Variants in ANKZF1 observed in about 807,000 individuals in gnomAD.
The protein encoded by ANKZF1 is tRNA endonuclease ANKZF1.
A neutral mutation model predicts 86.0 loss-of-function variants in ANKZF1; 84 were observed. The ratio of observed to expected loss-of-function variants is 0.98; its 90% CI spans 0.82 to 1.17. ANKZF1 has a LOEUF of 1.17. Among genes scored for constraint, ANKZF1 ranks in the 50% most tolerant of loss-of-function variants. The pLI is 0.00. For missense variants in ANKZF1, 893 were observed against 918.4 expected (o/e 0.97, Z 0.36); for synonymous variants, 331 against 354.2 (o/e 0.93, Z 0.74).
At chr2:219,230,530 T>A in intron 2 of ANKZF1, 125 bp downstream of exon 2, 1 of 1,273,900 alleles carries the variant, frequency 7.8e-7, no homozygotes, top group Non-Finnish European at 1.1e-6. Flanking sequence ...TCTGCTTGAT[T>A]AAATTCACTT....
rs1433807174 is a variant in ANKZF1, at chr2:219,235,895, T to A, written c.1971+20T>A. ...GAGAAGGTGAGGCTGGAGGTTCTCT[T>A]GTCCATGGCAAGGCTTCCTAGAGGT... On this transcript the variant is annotated intron_variant, in intron 12 of 13. Transcript: ENST00000323348. The A allele has an allele frequency of 6.2e-7, 1 of 1,613,782 alleles. No individual in the cohort carries two copies. The highest frequency in any genetic ancestry group is 1.1e-5 in the South Asian group (1 of 91,076).
Position 219,235,311 on chromosome 2 carries a change from C to T in ANKZF1, c.1690C>T (p.Gln564Ter). Residue 564 changes from glutamine (Q) to a stop codon, truncating the protein, a stop_gained and splice_region_variant, in exon 10 of 14, where the codon CAG becomes TAG. Transcript: ENST00000323348. LOFTEE classifies it high-confidence loss of function. ...GGAAGCAGGTGCTGACCCCACTGTG[C>T]AGTGAGTAAAGGTCCCCATCCTGAG... Reference protein sequence around the residue: ...LLEAGADPTVQDSRARPPYTV... With the variant: ...LLEAGADPTV 1 of 1,609,212 alleles carries T rather than the reference C, an allele frequency of 6.2e-7. No individual in the cohort carries two copies.
At chr2:219,230,526 T>C in intron 2 of ANKZF1, 121 bp downstream of exon 2, 3 of 1,317,646 alleles carry the variant, frequency 2.3e-6, no homozygotes, top group Non-Finnish European at 3.1e-6. Flanking sequence ...TCTTTCTGCT[T>C]GATTAAATTC....
At chr2:219,233,229 T>A (rs1285988691) in intron 6 of ANKZF1, 38 bp downstream of exon 6, 1 of 1,614,086 alleles carries the variant, frequency 6.2e-7, no homozygotes, top group Non-Finnish European at 8.5e-7. Flanking sequence ...ATGGAGTGGA[T>A]CCTGTTAGCC....
At position 219,234,824 on chromosome 2, in the gene ANKZF1, AG is replaced by A; in HGVS notation, c.1205del. ...GATTTCACATGTCAGGTTTTTCCCT[AG>A]GTTCAGGGTCGGAGGGAGAAGATGG... On this transcript the variant is annotated splice_acceptor_variant, in intron 9 of 13. Coordinates refer to ENST00000323348, the MANE Select transcript of ANKZF1 (RefSeq NM_018089.3). LOFTEE classifies it high-confidence loss of function. The A allele has an allele frequency of 5.6e-6, 9 of 1,601,498 alleles. No homozygotes were observed. Among genetic ancestry groups the A allele is most frequent in the Non-Finnish European group, 1.7e-6 (2 of 1,172,930 alleles).
At chr2:219,233,257 C>G in intron 6 of ANKZF1, 29 bp from the exon 7 acceptor site, 2 of 1,614,158 alleles carry the variant, frequency 1.2e-6, no homozygotes, top group Non-Finnish European at 1.7e-6. Flanking sequence ...ACCAGCTGGT[C>G]TCCAGTACTG....
intron 1 of ANKZF1, 103 bp downstream of exon 1, chr2:219,230,003 C>CT (rs1950980578): frequency 2.4e-6 from 1 of 417,442 alleles, no homozygotes; most frequent in African/African-American, 2.1e-5. Flanking sequence ...ATTTTTAACT[C>CT]TGTTGGACTC....
rs1011173781 is a variant in ANKZF1 at position 219,230,606 on chromosome 2, T to TCC, written c.148+202_148+203dup. ...AAGTCTTTTTGCCATTGCATGTATC[T>TCC]CCTCACGTTAACACCATTCCCTTCA... is the stretch of plus-strand genomic sequence containing the variant. On this transcript the variant is annotated intron_variant, in intron 2 of 13. Transcript: ENST00000323348. 74 of 579,532 alleles carry TCC rather than the reference T, an allele frequency of 1.3e-4. No individual in the cohort carries two copies. The African/African-American group carries it at 1.3e-3, about 10-fold the overall frequency. The allele number at this position is 579,532 out of a possible 1,614,324, so 35.9% of individuals were successfully genotyped here. A position where few individuals can be genotyped will look rare whatever the true frequency, so the allele number is the denominator to read the frequency against.
chr2:219,233,332 G>A lies in ANKZF1; in HGVS notation c.718G>A (p.Ala240Thr). The change falls in exon 7 of 14, where the codon GCC becomes ACC. Residue 240 changes from alanine to threonine, a missense_variant. Physicochemically the swap from Ala to Thr is moderately conservative, Grantham distance 58. Transcript: ENST00000323348. Reference protein sequence around the residue: ...HKTFHRYTVRAKRGTAQGLRD... With the variant: ...HKTFHRYTVRTKRGTAQGLRD... ...AACTTTTCACCGCTATACGGTTCGG[G>A]CCAAGCGGGGCACAGCCCAGGGGCT... 1 of 1,614,236 alleles carries A rather than the reference G, an allele frequency of 6.2e-7. No individual in the cohort carries two copies. The highest frequency in any genetic ancestry group is 1.3e-5 in the African/African-American group (1 of 75,052).
chr2:219,236,274 GAA>G (rs1559260446), intron 13 of ANKZF1, 46 bp from the exon 14 acceptor site: 1 of 1,612,810 alleles, frequency 6.2e-7, no homozygotes, highest in Admixed American at 1.7e-5. Context: ...GCGTGGATTG[GAA>G]AGTTTCTGGG....
Position 219,233,890 on chromosome 2 carries a change from C to T in ANKZF1, c.995C>T (p.Thr332Ile). 2 of 1,609,334 alleles carry T rather than the reference C, an allele frequency of 1.2e-6. No individual in the cohort carries two copies. The highest frequency in any genetic ancestry group is 2.2e-5 in the East Asian group (1 of 44,862). ...WDIPLATRRP[T>I]FQELQRVLHK... ...ATCCCCCTCGCCACCCGCAGACCCA[C>T]CTTCCAAGAGCTACAGCGTGTGCTC... The change falls in exon 8 of 14, where the codon ACC (threonine) becomes ATC (isoleucine). Residue 332 changes from threonine (T) to isoleucine (I), a missense_variant. By Grantham distance (89) the Thr-to-Ile change is moderately conservative (BLOSUM62 -1). Transcript: ENST00000323348.
intron 5 of ANKZF1, 72 bp downstream of exon 5, chr2:219,232,755 G>C: frequency 6.8e-7 from 1 of 1,475,954 alleles, no homozygotes; most frequent in Non-Finnish European, 9.2e-7. Context: ...CCTTAGCCTA[G>C]TGCATTTCTC....
chr2:219,230,005 G>A (rs1950980677), intron 1 of ANKZF1, 105 bp downstream of exon 1: 3 of 424,486 alleles, frequency 7.1e-6, no homozygotes, highest in Non-Finnish European at 1.3e-5. Context: ...TTTTAACTCT[G>A]TTGGACTCGA....
chr2:219,235,476 ACT>A lies in ANKZF1; in HGVS notation c.1698_1699del (p.Arg567GlyfsTer10), dbSNP rs759442172. 5.6e-6 allele frequency: 9 copies of A among 1,613,464 alleles called. No individual in the cohort carries two copies. The East Asian group carries it at 1.6e-4, about 28-fold the overall frequency. On this transcript the variant is annotated frameshift_variant, in exon 11 of 14. Coordinates refer to ENST00000323348, the MANE Select transcript of ANKZF1 (RefSeq NM_018089.3). LOFTEE classifies it high-confidence loss of function. ...ATTTTTGGAGTTTTTGCACCTAGGG[ACT>A]CTCGGGCCCGGCCACCTTATACTGT...
chr2:219,230,489 C>T, intron 2 of ANKZF1, 84 bp downstream of exon 2: 1 of 1,479,366 alleles, frequency 6.8e-7, no homozygotes, highest in Non-Finnish European at 9.0e-7. Context: ...TATTGGTATT[C>T]CCGAGCTTAG....
intron 5 of ANKZF1, 87 bp downstream of exon 5, chr2:219,232,770 C>A: frequency 7.3e-7 from 1 of 1,367,360 alleles, no homozygotes; most frequent in South Asian, 1.4e-5. Context: ...TTTCTCCCTG[C>A]TTCTCTTCCT....
At position 219,232,352 on chromosome 2, in the gene ANKZF1, G is replaced by C; in HGVS notation, c.354G>C (p.Gln118His). The C allele has an allele frequency of 6.2e-7, 1 of 1,614,228 alleles. No individual in the cohort carries two copies. The highest frequency in any genetic ancestry group is 1.1e-5 in the South Asian group (1 of 91,084). The change falls in exon 4 of 14, where the codon CAG becomes CAC. Residue 118 changes from glutamine (Q) to histidine (H), a missense_variant. Physicochemically the swap from Gln to His is conservative, Grantham distance 24. Transcript: ENST00000323348. ...TGTCTGCCCTGGACTTTGAAAAGCAGAGCTCCACAGGTGATGAGTGGTAGG... is the reference window on the plus strand; with the variant it reads ...TGTCTGCCCTGGACTTTGAAAAGCACAGCTCCACAGGTGATGAGTGGTAGG... The part of the protein sequence containing the change: ...PLLSALDFEK[Q>H]SSTGDLSSIS...
chr2:219,230,082 G>A, intron 1 of ANKZF1, 146 bp from the exon 2 acceptor site: 2 of 606,426 alleles, frequency 3.3e-6, no homozygotes, highest in Non-Finnish European at 5.5e-6. Context: ...AAGTGGACGG[G>A]GGCCAAGGTA....
chr2:219,234,428 G>A, intron 9 of ANKZF1, 140 bp downstream of exon 9: 1 of 1,078,136 alleles, frequency 9.3e-7, no homozygotes, highest in Non-Finnish European at 1.4e-6. Flanking sequence ...ACTGAGACAT[G>A]TTTAGTGACC....
Sources: allele counts gnomAD v4.1 joint callset, GRCh38; gene constraint gnomAD v4.1.1; transcripts MANE v1.5; gene names NCBI Gene and HGNC (gene_info 2026-07-23, HGNC 2026-07-21).